Variants in LIPH observed in about 807,000 individuals in gnomAD.
LIPH encodes the protein lipase member H.
LIPH carries 32 observed loss-of-function variants against 47.6 expected under a neutral mutation model. The observed-to-expected ratio is 0.67, with a 90% CI of 0.51 to 0.90. LIPH has a LOEUF of 0.90. Among genes scored for constraint, LIPH ranks in the 40% least tolerant of loss-of-function variants. LIPH has a pLI of 0.00. For synonymous variants in LIPH, 190 were observed against 195.6 expected, an observed-to-expected ratio of 0.97 and a Z score of 0.24; for missense variants, 497 against 541.4, an observed-to-expected ratio of 0.92 and a Z score of 0.81.
intron 1 of LIPH, among the ~76,000 whole-genome samples, chr3:185,547,165 G>A (rs966564861): frequency 6.6e-6 from 1 of 151,652 alleles, no homozygotes; most frequent in Non-Finnish European, 1.5e-5. Context: ...AGGTATCTCA[G>A]ACCCATCTCA....
At chr3:185,511,803 A>G (rs1219818371) in intron 8 of LIPH, 106 bp from the exon 9 acceptor site, 2 of 731,282 alleles carry the variant, frequency 2.7e-6, no homozygotes, top group Non-Finnish European at 4.7e-6. Flanking sequence ...TTCACCCCAT[A>G]GCCTGCACCA....
At chr3:185,549,129 C>CAA (rs76079964) in intron 1 of LIPH, among the ~76,000 whole-genome samples, 2 of 102,004 alleles carry the variant, frequency 2.0e-5, no homozygotes, top group Admixed American at 1.1e-4. Context: ...GACTCCATCT[C>CAA]AAAAAAAAAA....
intron 3 of LIPH, among the ~76,000 whole-genome samples, chr3:185,529,790 TG>T (rs996114532): frequency 6.6e-6 from 1 of 151,202 alleles, no homozygotes; most frequent in African/African-American, 2.4e-5. Flanking sequence ...CTCCGGAGAC[TG>T]AGACAGAAGG....
At chr3:185,529,666 G>C (rs1720248771) in intron 3 of LIPH, among the ~76,000 whole-genome samples, 1 of 150,736 alleles carries the variant, frequency 6.6e-6, no homozygotes, top group Non-Finnish European at 1.5e-5. Flanking sequence ...AGGGCGGGAG[G>C]ATTGCTTGAG....
Position 185,533,615 on chromosome 3 carries a change from C to A in LIPH, c.482G>T (p.Gly161Val). ...TCCATCGTACATCTCTCCAACAAACCCAGATATGTGGGCTCCTAGACTTAC... is the reference window on the plus strand; with the variant it reads ...TCCATCGTACATCTCTCCAACAAACACAGATATGTGGGCTCCTAGACTTAC... ...IGVSLGAHIS[G>V]FVGEMYDGWL... The change falls in exon 3 of 10, where the codon GGG becomes GTG. Residue 161 changes from glycine to valine, a missense_variant. Gly to Val is a moderately radical substitution (Grantham distance 109). Transcript: ENST00000296252. 1 of 1,613,956 alleles carries A rather than the reference C, an allele frequency of 6.2e-7. No individual in the cohort carries two copies. The highest frequency in any genetic ancestry group is 8.5e-7 in the Non-Finnish European group (1 of 1,179,910).
intron 3 of LIPH, among the ~76,000 whole-genome samples, chr3:185,530,166 A>G (rs1470486843): frequency 6.6e-6 from 1 of 152,078 alleles, no homozygotes; most frequent in African/African-American, 2.4e-5. Flanking sequence ...TGGCAAAGTA[A>G]GACCCTGTCT....
At chr3:185,541,141 C>T (rs1720696175) in intron 1 of LIPH, among the ~76,000 whole-genome samples, 1 of 152,130 alleles carries the variant, frequency 6.6e-6, no homozygotes, top group Non-Finnish European at 1.5e-5. Context: ...CTGGTGATTC[C>T]TTATATAGTT....
intron 3 of LIPH, among the ~76,000 whole-genome samples, chr3:185,529,938 G>GAA (rs1232629198): frequency 1.4e-4 from 7 of 50,862 alleles, no homozygotes; most frequent in African/African-American, 3.7e-4. Context: ...AAGAAAGAAA[G>GAA]AAAGAAAGAA....
rs1462778794 is a variant in LIPH, at chr3:185,545,261, T to G, written c.49+7162A>C. On this transcript the variant is annotated intron_variant, in intron 1 of 9. Coordinates refer to ENST00000296252, the MANE Select transcript of LIPH (RefSeq NM_139248.3). ...GATGAGTGGTGTTTCCAATATCCTT[T>G]GATAAGGAATTCAGACTCCTATTTA... Among the ~76,000 whole-genome samples the G allele has an allele frequency of 2.0e-5, 3 of 152,210 alleles. No individual in the cohort carries two copies. In the East Asian group the frequency reaches 5.8e-4, roughly 29 times the overall value.
rs569834402 is a variant in LIPH at position 185,522,709 on chromosome 3, G to A, written c.718+1362C>T. On this transcript the variant is annotated intron_variant, in intron 5 of 9. Coordinates refer to ENST00000296252, the MANE Select transcript of LIPH (RefSeq NM_139248.3). ...AAGAAAGAAAGAAAGAAAGGTGGCC[G>A]TCATATTCTGTCAGTCAGCTCACTT... Among the ~76,000 whole-genome samples, 17 of 131,754 alleles carry A rather than the reference G, an allele frequency of 1.3e-4. No individual in the cohort carries two copies. In the East Asian group the frequency reaches 2.0e-3, roughly 15 times the overall value. 86.4% of individuals were successfully genotyped at this position (131,754 alleles called of 152,430 possible).
At chr3:185,533,751 G>T in intron 2 of LIPH, 72 bp from the exon 3 acceptor site, 2 of 1,011,302 alleles carry the variant, frequency 2.0e-6, no homozygotes, top group Non-Finnish European at 3.1e-6. Context: ...AAATTTCCTG[G>T]CTGTTGACTT....
intron 6 of LIPH, 122 bp from the exon 7 acceptor site, chr3:185,517,284 C>A: frequency 1.5e-6 from 1 of 679,958 alleles, no homozygotes. Context: ...CTCCATCCCA[C>A]CTCCATCCCC....
At chr3:185,538,505 AAC>A in intron 1 of LIPH, among the ~76,000 whole-genome samples, 1 of 152,314 alleles carries the variant, frequency 6.6e-6, no homozygotes, top group South Asian at 2.1e-4. Context: ...GCTAAATGCC[AAC>A]AATGGGGGAT....
At chr3:185,526,928 T>C (rs1577675043) in intron 4 of LIPH, among the ~76,000 whole-genome samples, 1 of 152,060 alleles carries the variant, frequency 6.6e-6, no homozygotes, top group Non-Finnish European at 1.5e-5. Flanking sequence ...AGCCTGTCCT[T>C]CATTGAGCAT....
rs530715922 is a variant in LIPH, at chr3:185,533,314, C to T, written c.526+257G>A. On this transcript the variant is annotated intron_variant, in intron 3 of 9. Transcript: ENST00000296252. ...GAATGGGACATAGCTGTTTTTCCAG[C>T]CATAATAGAAATAAAGTCACTACTC... Among the ~76,000 whole-genome samples the T allele has an allele frequency of 2.6e-5, 4 of 152,238 alleles. No homozygotes were observed. In the South Asian group the frequency reaches 8.3e-4, roughly 32 times the overall value.
chr3:185,552,428 C>T lies in LIPH; in HGVS notation c.44G>A (p.Arg15Lys). The change falls in exon 1 of 10, where the codon AGA (arginine) becomes AAA (lysine). Residue 15 changes from arginine (R) to lysine (K), a missense_variant. Arg to Lys is a conservative substitution (Grantham distance 26). Coordinates refer to ENST00000296252, the MANE Select transcript of LIPH (RefSeq NM_139248.3). ...YLFISLLCLSRSDAEETCPSF... is the reference protein window; with the variant it reads ...YLFISLLCLSKSDAEETCPSF... ...CCAGTTTGTAAATAACCTACCTGAT[C>T]TTGACAAGCACAACAAACTGATGAA... The T allele has an allele frequency of 6.2e-7, 1 of 1,605,498 alleles. No homozygotes were observed.
chr3:185,511,819 CTTTTT>C (rs78253030), intron 8 of LIPH, 122 bp from the exon 9 acceptor site: 51 of 551,482 alleles, frequency 9.2e-5, no homozygotes, highest in African/African-American at 1.5e-4. Context: ...CACCAGCTGA[CTTTTT>C]TTTTTTTTTT....
intron 1 of LIPH, among the ~76,000 whole-genome samples, chr3:185,547,802 G>A (rs567610318): frequency 6.1e-5 from 9 of 147,168 alleles, no homozygotes; most frequent in Middle Eastern, 3.5e-3. Flanking sequence ...TCCAGCCTGG[G>A]CAACAAGAGC....
At chr3:185,510,777 G>A (rs1719537454) in intron 9 of LIPH, among the ~76,000 whole-genome samples, 1 of 152,156 alleles carries the variant, frequency 6.6e-6, no homozygotes, top group Non-Finnish European at 1.5e-5. Context: ...GGGTGTGGTG[G>A]ACGTGCCTGT....
Sources: allele counts gnomAD v4.1 joint callset (sites outside exome capture counted in the v4.1 genomes callset), GRCh38; gene constraint gnomAD v4.1.1; transcripts MANE v1.5; gene names NCBI Gene and HGNC (gene_info 2026-07-23, HGNC 2026-07-21).